LCT: variants seen among roughly 807,000 people sequenced by gnomAD.
The protein encoded by LCT is lactase/phlorizin hydrolase.
A neutral mutation model predicts 173.0 loss-of-function variants in LCT; 90 were observed. The ratio of observed to expected loss-of-function variants is 0.52; its 90% CI spans 0.44 to 0.62. LCT has a LOEUF of 0.62. LCT is among the 20% of genes least tolerant of loss of function. LCT has a pLI of 0.00. For synonymous variants in LCT, 853 were observed against 957.6 expected, an observed-to-expected ratio of 0.89 and a Z score of 2.02; for missense variants, 1,864 against 2,431.4, an observed-to-expected ratio of 0.77 and a Z score of 4.91.
chr2:135,790,610 T>C lies in LCT; in HGVS notation c.5335+48A>G, dbSNP rs371913556. On this transcript the variant is annotated intron_variant, in intron 15 of 16. Transcript: ENST00000264162. The surrounding 1 kb of genome is among the most constrained non-coding windows in gnomAD (Gnocchi z 4.1). Reference sequence around the variant, plus strand: ...ATCACACTCCTGCAAATAGCAGATGTTTCCAACAGGGGAAGGTGCACGCTG... The same window carrying C: ...ATCACACTCCTGCAAATAGCAGATGCTTCCAACAGGGGAAGGTGCACGCTG... 8.1e-7 allele frequency: 1 copy of C among 1,233,876 alleles called. No individual in the cohort carries two copies. Among genetic ancestry groups the C allele is most frequent in the Non-Finnish European group, 1.2e-6 (1 of 835,628 alleles). 76.4% of individuals were successfully genotyped at this position (1,233,876 alleles called of 1,614,324 possible).
intron 13 of LCT, among the ~76,000 whole-genome samples, chr2:135,797,120 G>A (rs994899398): frequency 1.4e-4 from 21 of 151,838 alleles, no homozygotes; most frequent in Non-Finnish European, 1.0e-4. Flanking sequence ...GCTAATTTTT[G>A]TATTTTTAGT....
Position 135,812,580 on chromosome 2 carries a change from G to A in LCT, c.2084C>T (p.Pro695Leu). 6.2e-7 allele frequency: 1 copy of A among 1,613,352 alleles called. No homozygotes were observed. Among genetic ancestry groups the A allele is most frequent in the East Asian group, 2.2e-5 (1 of 44,876 alleles). Residue 695 changes from proline (P) to leucine (L), a missense_variant, in exon 7 of 17, where the codon CCA becomes CTA. Coordinates refer to ENST00000264162, the MANE Select transcript of LCT (RefSeq NM_002299.4). ...ATAGCTAGGGATGCAGGTGTTTTGT[G>A]GGGCGTTGCTGATGAGGCGGGAGGT... Reference protein sequence around the residue: ...HYTSRLISNAPQNTCIPSYDT... With the variant: ...HYTSRLISNALQNTCIPSYDT...
Position 135,812,666 on chromosome 2 carries a change from G to A in LCT, c.1998C>T (p.Phe666=). 8 of 1,613,110 alleles carry A rather than the reference G, an allele frequency of 5.0e-6. No homozygotes were observed. The highest frequency in any genetic ancestry group is 6.8e-6 in the Non-Finnish European group (8 of 1,179,048). The change falls in exon 7 of 17, where the codon TTC becomes TTT. Residue 666 remains phenylalanine (F), a synonymous_variant. Transcript: ENST00000264162. ...CSHPVAQLPE[F]TEAEKQLLKG... ...TCAGGAGCTGCTTCTCTGCCTCTGTGAACTCGGGGAGTTGAGCCACAGGAT... is the reference window on the plus strand; with the variant it reads ...TCAGGAGCTGCTTCTCTGCCTCTGTAAACTCGGGGAGTTGAGCCACAGGAT...
At chr2:135,825,064 C>T (rs1288619299) in intron 3 of LCT, among the ~76,000 whole-genome samples, 1 of 151,844 alleles carries the variant, frequency 6.6e-6, no homozygotes, top group Non-Finnish European at 1.5e-5. Context: ...AATGTAATTT[C>T]CTCTTCTTAT....
chr2:135,822,126 T>G lies in LCT; in HGVS notation c.908-28A>C. The G allele has an allele frequency of 3.1e-6, 4 of 1,299,178 alleles. No homozygotes were observed. In the African/African-American group the frequency reaches 4.4e-5, roughly 14 times the overall value. 80.5% of individuals were successfully genotyped at this position (1,299,178 alleles called of 1,614,324 possible). ...GTAAGAGAAGAAATTGAATTAACTC[T>G]ATGTAAATGCCAACTAAGAACATGC... is the stretch of plus-strand genomic sequence containing the variant. On this transcript the variant is annotated intron_variant, in intron 4 of 16. Transcript: ENST00000264162.
chr2:135,834,247 G>A (rs1398517595), intron 1 of LCT, among the ~76,000 whole-genome samples: 16 of 151,892 alleles, frequency 1.1e-4, no homozygotes, highest in South Asian at 2.1e-4. Flanking sequence ...GTGCAATGGC[G>A]CAGTCTCGGC....
At position 135,809,783 on chromosome 2, in the gene LCT, A is replaced by C. The variant is rs1480630121; in HGVS notation, c.2564T>G (p.Leu855Arg). Reference protein sequence around the residue: ...NGFLTKGAKRLLPPNTVNLPS... With the variant: ...NGFLTKGAKRRLPPNTVNLPS... ...GAGGTTTACTGTATTAGGTGGTAGC[A>C]GTCTTTTTGCCCCCTTGGTGAGGAA... is the stretch of plus-strand genomic sequence containing the variant. Residue 855 changes from leucine to arginine, a missense_variant, in exon 8 of 17, where the codon CTG becomes CGG. Coordinates refer to ENST00000264162, the MANE Select transcript of LCT (RefSeq NM_002299.4). The surrounding 1 kb of genome is among the most constrained non-coding windows in gnomAD (Gnocchi z 5.5). 3 of 1,614,218 alleles carry C rather than the reference A, an allele frequency of 1.9e-6. No homozygotes were observed. Among genetic ancestry groups the C allele is most frequent in the Non-Finnish European group, 2.5e-6 (3 of 1,180,018 alleles).
chr2:135,793,696 T>C (rs1342492502), intron 14 of LCT, among the ~76,000 whole-genome samples: 1 of 152,056 alleles, frequency 6.6e-6, no homozygotes, highest in Non-Finnish European at 1.5e-5. Flanking sequence ...TAGAGAAAGG[T>C]GAAAATTAAC....
chr2:135,797,361 A>C (rs1392510672), intron 13 of LCT, among the ~76,000 whole-genome samples: 1 of 152,096 alleles, frequency 6.6e-6, no homozygotes, highest in African/African-American at 2.4e-5. Flanking sequence ...AGCGGTGGGC[A>C]TGTTCCCGTG....
chr2:135,806,980 G>T, intron 9 of LCT, 148 bp downstream of exon 9: 1 of 896,512 alleles, frequency 1.1e-6, no homozygotes, highest in Non-Finnish European at 1.8e-6. Flanking sequence ...CAGGCTGTCT[G>T]GAAGAGGACC....
chr2:135,815,998 G>A (rs1241231644), intron 6 of LCT, among the ~76,000 whole-genome samples: 1 of 152,178 alleles, frequency 6.6e-6, no homozygotes, highest in Non-Finnish European at 1.5e-5. Context: ...ACCATGCCCG[G>A]CCGGAAATAC....
At chr2:135,810,256 A>G (rs1217180826) in intron 7 of LCT, 1 of 420,174 alleles carries the variant, frequency 2.4e-6, no homozygotes, top group Admixed American at 3.9e-5. Flanking sequence ...GTCAACTGAG[A>G]TAAGTTATTA....
intron 14 of LCT, chr2:135,794,310 T>C: frequency 4.2e-6 from 1 of 239,934 alleles, no homozygotes. Flanking sequence ...AATTTTTTTC[T>C]TGAAAATCCT....
At chr2:135,804,447 C>T (rs2077652077) in intron 10 of LCT, among the ~76,000 whole-genome samples, 1 of 152,044 alleles carries the variant, frequency 6.6e-6, no homozygotes, top group Non-Finnish European at 1.5e-5. Flanking sequence ...TTTGGGAGGC[C>T]GAGGCGGGTG....
At chr2:135,832,242 A>T (rs2077946953) in intron 2 of LCT, among the ~76,000 whole-genome samples, 1 of 151,042 alleles carries the variant, frequency 6.6e-6, no homozygotes. Context: ...TAAAAAATAT[A>T]AATTATAGTT....
Position 135,817,904 on chromosome 2 carries a change from A to C in LCT, c.1144T>G (p.Phe382Val). Residue 382 changes from phenylalanine (F) to valine (V), a missense_variant, in exon 6 of 17, where the codon TTC (phenylalanine) becomes GTC (valine). Phe to Val is a conservative substitution (Grantham distance 50, BLOSUM62 -1). Around this residue, in one of 4 missense-constraint regions of LCT, gnomAD observed 412 missense variants for 462.0 expected, o/e 0.89. Coordinates refer to ENST00000264162, the MANE Select transcript of LCT (RefSeq NM_002299.4). ...GCACCCCAGAGGAAGCCTTCAGGGA[A>C]AGTATCCTGCAGGAAGGCATCCCTT... ...AERDAFLQDTFPEGFLWGAST... is the reference protein window; with the variant it reads ...AERDAFLQDTVPEGFLWGAST... 1 of 1,613,858 alleles carries C rather than the reference A, an allele frequency of 6.2e-7. No homozygotes were observed.
chr2:135,791,557 C>T (rs1243568212), intron 14 of LCT, among the ~76,000 whole-genome samples: 1 of 147,232 alleles, frequency 6.8e-6, no homozygotes, highest in Non-Finnish European at 1.5e-5. Context: ...TCAGATCTTT[C>T]AGGGAAAAAA....
intron 1 of LCT, among the ~76,000 whole-genome samples, chr2:135,834,448 G>A (rs1319958409): frequency 4.0e-5 from 6 of 149,644 alleles, no homozygotes; most frequent in African/African-American, 1.5e-4. Context: ...GCCTCCCAAA[G>A]TGCTGGGATT....
chr2:135,824,549 A>AT (rs1259487203), intron 3 of LCT, among the ~76,000 whole-genome samples: 5 of 152,178 alleles, frequency 3.3e-5, no homozygotes, highest in African/African-American at 9.6e-5. Flanking sequence ...TCTAAAAAAA[A>AT]TTTTTTTTAA....
Sources: gnomAD v4.1 joint callset for allele counts (sites outside exome capture counted in the v4.1 genomes callset) on GRCh38, gnomAD v4.1.1 for gene constraint, gnomAD v4.1.1 regional missense constraint, Gnocchi (gnomAD v3.1) non-coding constraint, MANE v1.5 for transcripts, NCBI Gene and HGNC (gene_info 2026-07-23, HGNC 2026-07-21) for gene names.